The following DNER variants were observed in gnomAD, a reference collection of about 807,000 sequenced individuals.
DNER encodes delta and Notch-like epidermal growth factor-related receptor.
Under a neutral mutation model 78.2 loss-of-function variants are expected in DNER, and 33 were observed. The ratio of observed to expected loss-of-function variants is 0.42; its 90% CI spans 0.32 to 0.56. The LOEUF is 0.56. DNER is among the 20% of genes least tolerant of loss of function. DNER has a pLI of 0.11. For missense variants in DNER, 918 were observed against 975.3 expected, an observed-to-expected ratio of 0.94 and a Z score of 0.78; for synonymous variants, 417 against 384.8, an observed-to-expected ratio of 1.08 and a Z score of -0.98.
chr2:229,649,773 C>A (rs1698778970), intron 1 of DNER, among the ~76,000 whole-genome samples: 1 of 152,168 alleles, frequency 6.6e-6, no homozygotes, highest in South Asian at 2.1e-4. Flanking sequence ...CTTCTCACAT[C>A]TTCTCTTAAG....
intron 4 of DNER, 63 bp from the exon 5 acceptor site, chr2:229,547,155 A>T: frequency 6.3e-7 from 1 of 1,588,500 alleles, no homozygotes; most frequent in Admixed American, 1.7e-5. Flanking sequence ...AGTGTGTTGA[A>T]AGCTTTACCA....
chr2:229,671,976 C>T (rs888063071), intron 1 of DNER, among the ~76,000 whole-genome samples: 1 of 152,130 alleles, frequency 6.6e-6, no homozygotes, highest in Admixed American at 6.5e-5. Flanking sequence ...ACAAGTTTGC[C>T]AAAATGTATC....
intron 4 of DNER, among the ~76,000 whole-genome samples, chr2:229,572,558 A>G (rs183804581): frequency 6.6e-6 from 1 of 152,286 alleles, no homozygotes; most frequent in Non-Finnish European, 1.5e-5. Context: ...ACAAACAGAG[A>G]GGCTACAGTG....
In DNER at chr2:229,703,991, A is replaced by G. The variant is rs146507230; in HGVS notation, c.276+10157T>C. ...GAAAATATTTGCAAATCGCATATCA[A>G]GTAAGGGATTTGAATTTGAATCAGA... On this transcript the variant is annotated intron_variant, in intron 1 of 12. Transcript: ENST00000341772. 7.8e-3 allele frequency among the ~76,000 whole-genome samples: 1,190 copies of G among 152,312 alleles called. 7 individuals carry two copies. Among genetic ancestry groups the G allele is most frequent in the Middle Eastern group, 0.058 (17 of 294 alleles).
At position 229,714,335 on chromosome 2, in the gene DNER, C is replaced by T. The variant is rs1699960515; in HGVS notation, c.89G>A (p.Gly30Asp). The T allele has an allele frequency of 1.6e-6, 2 of 1,263,078 alleles. No homozygotes were observed. The highest frequency in any genetic ancestry group is 2.0e-6 in the Non-Finnish European group (2 of 1,010,356). 78.2% of individuals were successfully genotyped at this position (1,263,078 alleles called of 1,614,324 possible). Residue 30 changes from glycine (G) to aspartate (D), a missense_variant, in exon 1 of 13, where the codon GGC becomes GAC. Coordinates refer to ENST00000341772, the MANE Select transcript of DNER (RefSeq NM_139072.4). ...LLLLLGAGPR[G>D]SSLANPVPAA... The stretch of plus-strand genomic sequence containing the variant: ...GGGCACCGGGTTGGCCAGGGAGCTG[C>T]CTCGGGGCCCCGCTCCGAGCAGCAG...
intron 7 of DNER, among the ~76,000 whole-genome samples, chr2:229,465,906 A>T (rs1258745144): frequency 6.6e-6 from 1 of 151,922 alleles, no homozygotes; most frequent in East Asian, 1.9e-4. Flanking sequence ...AGTCGTGTAA[A>T]ACTTGTCGAA....
At chr2:229,616,103 A>T (rs1316032364) in intron 1 of DNER, among the ~76,000 whole-genome samples, 2 of 152,256 alleles carry the variant, frequency 1.3e-5, no homozygotes, top group Non-Finnish European at 2.9e-5. Context: ...AACTTAAATT[A>T]ATATAATGTG....
intron 9 of DNER, 151 bp downstream of exon 9, chr2:229,417,957 T>G: frequency 8.1e-7 from 1 of 1,240,696 alleles, no homozygotes; most frequent in Non-Finnish European, 1.1e-6. Flanking sequence ...TGCAAATTGG[T>G]CTCCTTGGAC....
At chr2:229,441,914 CTCT>C (rs1694244009) in intron 8 of DNER, among the ~76,000 whole-genome samples, 1 of 152,180 alleles carries the variant, frequency 6.6e-6, no homozygotes, top group Non-Finnish European at 1.5e-5. Flanking sequence ...TCAGCGGCTG[CTCT>C]TCTTTTTCTC....
At chr2:229,400,125 T>A (rs1294407603) in intron 10 of DNER, among the ~76,000 whole-genome samples, 4 of 152,024 alleles carry the variant, frequency 2.6e-5, no homozygotes, top group African/African-American at 9.7e-5. Flanking sequence ...TGATGGATGA[T>A]GAAAGGCAGT....
intron 1 of DNER, among the ~76,000 whole-genome samples, chr2:229,608,137 T>C (rs1463039954): frequency 4.0e-5 from 6 of 150,960 alleles, no homozygotes; most frequent in Admixed American, 3.3e-4. Flanking sequence ...ACTTATACCA[T>C]ACATCTACAC....
At chr2:229,582,650 T>C (rs1697423377) in intron 4 of DNER, among the ~76,000 whole-genome samples, 1 of 152,130 alleles carries the variant, frequency 6.6e-6, no homozygotes, top group Admixed American at 6.5e-5. Context: ...ATATCAAAGT[T>C]CTTTTTTGAG....
At chr2:229,414,393 A>T (rs1456177932) in intron 9 of DNER, among the ~76,000 whole-genome samples, 6 of 152,074 alleles carry the variant, frequency 3.9e-5, no homozygotes, top group Non-Finnish European at 7.4e-5. Context: ...CAGCCTCCTG[A>T]GTAGCTGAGA....
At chr2:229,495,206 T>C (rs893617040) in intron 6 of DNER, among the ~76,000 whole-genome samples, 2 of 152,238 alleles carry the variant, frequency 1.3e-5, no homozygotes, top group African/African-American at 4.8e-5. Context: ...CAGCTAAATA[T>C]ATAATTTCAT....
At chr2:229,413,321 C>CTTCTTTTTT (rs1693567598) in intron 9 of DNER, among the ~76,000 whole-genome samples, 1 of 67,774 alleles carries the variant, frequency 1.5e-5, no homozygotes, top group Non-Finnish European at 2.8e-5. Context: ...TTTTCTTCTT[C>CTTCTTTTTT]TTTTTTTTTT....
intron 1 of DNER, among the ~76,000 whole-genome samples, chr2:229,690,671 G>A (rs1291584503): frequency 6.6e-6 from 1 of 152,022 alleles, no homozygotes; most frequent in Non-Finnish European, 1.5e-5. Context: ...GCTTATATCT[G>A]TGGGAAAAAA....
intron 1 of DNER, among the ~76,000 whole-genome samples, chr2:229,649,458 G>GA (rs530253505): frequency 5.3e-5 from 8 of 152,000 alleles, no homozygotes; most frequent in African/African-American, 1.9e-4. Flanking sequence ...ACTCTAGGGG[G>GA]AAAAAAATCC....
intron 1 of DNER, among the ~76,000 whole-genome samples, chr2:229,652,298 T>C (rs1251577583): frequency 6.6e-6 from 1 of 152,232 alleles, no homozygotes; most frequent in South Asian, 2.1e-4. Context: ...CTCGTTCTCA[T>C]TCTTCCTTTG....
intron 6 of DNER, among the ~76,000 whole-genome samples, chr2:229,500,135 G>A (rs1165678608): frequency 2.0e-5 from 3 of 152,134 alleles, no homozygotes; most frequent in African/African-American, 7.2e-5. Flanking sequence ...AGGTTTCACC[G>A]TGTTAGCCAG....
Sources: allele counts gnomAD v4.1 joint callset (sites outside exome capture counted in the v4.1 genomes callset), GRCh38; gene constraint gnomAD v4.1.1; transcripts MANE v1.5; gene names NCBI Gene and HGNC (gene_info 2026-07-23, HGNC 2026-07-21).